The following TSPAN7 variants were observed in gnomAD, a reference collection of about 807,000 sequenced individuals.
TSPAN7 encodes the protein tetraspanin-7.
A neutral mutation model predicts 17.6 loss-of-function variants in TSPAN7; 1 was observed. That is an observed-to-expected ratio of 0.06 (90% CI 0.02 to 0.27). The LOEUF (loss-of-function observed/expected upper bound fraction) is 0.27. TSPAN7 is among the 10% of genes least tolerant of loss of function. The pLI is 1.00. For synonymous variants in TSPAN7, 78 were observed against 79.0 expected, an observed-to-expected ratio of 0.99 and a Z score of 0.07; for missense variants, 112 against 201.7, an observed-to-expected ratio of 0.56 and a Z score of 2.69.
intron 3 of TSPAN7, among the ~76,000 whole-genome samples, chrX:38,673,290 C>G (rs2069833178): frequency 9.0e-6 from 1 of 110,923 alleles, no homozygotes; most frequent in South Asian, 3.9e-4. Context: ...ATTCCACCTT[C>G]ATCAGGTTTC....
At chrX:38,659,075 A>G (rs1448194398) in intron 1 of TSPAN7, among the ~76,000 whole-genome samples, 1 of 111,274 alleles carries the variant, frequency 9.0e-6, no homozygotes, top group East Asian at 2.8e-4. Flanking sequence ...TACACGAGAC[A>G]AAAATGGAGT....
chrX:38,608,242 C>G (rs2069396170), intron 1 of TSPAN7: 1 of 110,447 alleles, frequency 9.1e-6, no homozygotes, highest in Non-Finnish European at 1.9e-5. Flanking sequence ...TAGAATTTGT[C>G]TAGCAGGCTT....
intron 1 of TSPAN7, among the ~76,000 whole-genome samples, chrX:38,574,306 C>G (rs1469788599): frequency 8.9e-6 from 1 of 111,900 alleles, no homozygotes; most frequent in African/African-American, 3.2e-5. Context: ...TATCTTTTTA[C>G]AGATGTAGTT....
intron 1 of TSPAN7, among the ~76,000 whole-genome samples, chrX:38,589,205 T>C (rs1338285617): frequency 8.9e-6 from 1 of 112,085 alleles, no homozygotes; most frequent in Admixed American, 9.4e-5. Context: ...TTTCAAAACC[T>C]GGGGTGTGAG....
rs979384486 is a variant in TSPAN7, at chrX:38,686,462, C to G, written c.682-1137C>G. ...GGAAGACTTGTTAAAACACCAGTTA[C>G]TGGGCCCCACCCCCCAGCATATCTG... On this transcript the variant is annotated intron_variant, in intron 6 of 7. Coordinates refer to ENST00000378482, the MANE Select transcript of TSPAN7 (RefSeq NM_004615.4). Among the ~76,000 whole-genome samples, 3 of 111,715 alleles carry G rather than the reference C, an allele frequency of 2.7e-5. No individual in the cohort carries two copies. In the South Asian group the frequency reaches 1.1e-3, roughly 42 times the overall value.
In TSPAN7 at chrX:38,561,619, G is replaced by C; in HGVS notation, c.73G>C (p.Val25Leu). Reference protein sequence around the residue: ...LKTLLIIYSFVFWITGVILLA... With the variant: ...LKTLLIIYSFLFWITGVILLA... ...AACCCTCCTCATCATCTACTCCTTCGTCTTCTGGGTAAGTGCCCACGCCGG... is the reference window on the plus strand; with the variant it reads ...AACCCTCCTCATCATCTACTCCTTCCTCTTCTGGGTAAGTGCCCACGCCGG... Residue 25 changes from valine (V) to leucine (L), a missense_variant, in exon 1 of 8, where the codon GTC (valine) becomes CTC (leucine). Coordinates refer to ENST00000378482, the MANE Select transcript of TSPAN7 (RefSeq NM_004615.4). 8.3e-7 allele frequency: 1 copy of C among 1,204,955 alleles called. No homozygotes were observed. The highest frequency in any genetic ancestry group is 1.1e-6 in the Non-Finnish European group (1 of 891,135).
chrX:38,587,503 A>G (rs888022779), intron 1 of TSPAN7, among the ~76,000 whole-genome samples: 1 of 111,956 alleles, frequency 8.9e-6, no homozygotes, highest in Non-Finnish European at 1.9e-5. Context: ...AGTTTCCAAT[A>G]TGCATTCATT....
intron 1 of TSPAN7, among the ~76,000 whole-genome samples, chrX:38,603,326 G>C (rs1216241480): frequency 8.9e-6 from 1 of 112,018 alleles, no homozygotes; most frequent in Non-Finnish European, 1.9e-5. Flanking sequence ...AAATGCTGCA[G>C]ACACTTTGGG....
At chrX:38,675,974 TCTTA>T (rs1431634438) in intron 5 of TSPAN7, 114 bp downstream of exon 5, 1 of 963,554 alleles carries the variant, frequency 1.0e-6, no homozygotes, top group Non-Finnish European at 1.4e-6. Context: ...GGAAAGAGAA[TCTTA>T]CTTTGTGGTT....
intron 1 of TSPAN7, among the ~76,000 whole-genome samples, chrX:38,597,246 A>G (rs1420031604): frequency 9.0e-6 from 1 of 111,564 alleles, no homozygotes; most frequent in African/African-American, 3.3e-5. Flanking sequence ...CCTGACATGC[A>G]CATTCCCTGT....
At chrX:38,624,737 T>C (rs191686919) in intron 1 of TSPAN7, among the ~76,000 whole-genome samples, 2 of 112,776 alleles carry the variant, frequency 1.8e-5, no homozygotes, top group African/African-American at 6.4e-5. Flanking sequence ...CAATATTGAA[T>C]ATTCCTTCCT....
chrX:38,605,771 T>A, intron 1 of TSPAN7, among the ~76,000 whole-genome samples: 1 of 110,626 alleles, frequency 9.0e-6, no homozygotes, highest in Non-Finnish European at 1.9e-5. Context: ...TCTACAACTA[T>A]CTGATCTTTG....
At chrX:38,591,891 A>G (rs2069294383) in intron 1 of TSPAN7, among the ~76,000 whole-genome samples, 1 of 112,234 alleles carries the variant, frequency 8.9e-6, no homozygotes, top group Non-Finnish European at 1.9e-5. Context: ...GCACTGCTAT[A>G]AAGAACTACC....
At chrX:38,668,456 G>T (rs189102911) in intron 2 of TSPAN7, among the ~76,000 whole-genome samples, 77 of 112,196 alleles carry the variant, frequency 6.9e-4, no homozygotes, top group African/African-American at 2.3e-3. Flanking sequence ...AGCATTTTGG[G>T]AAGTAGAGAA....
At chrX:38,687,276 C>A (rs963644668) in intron 6 of TSPAN7, among the ~76,000 whole-genome samples, 2 of 111,258 alleles carry the variant, frequency 1.8e-5, no homozygotes, top group African/African-American at 6.5e-5. Context: ...TTTTAATACT[C>A]CTTAAGTGTC....
At chrX:38,600,904 C>A (rs781443283) in intron 1 of TSPAN7, among the ~76,000 whole-genome samples, 4 of 111,759 alleles carry the variant, frequency 3.6e-5, no homozygotes, top group Non-Finnish European at 7.5e-5. Context: ...GTGGTGTTTT[C>A]ATGAAATAGG....
intron 1 of TSPAN7, among the ~76,000 whole-genome samples, chrX:38,613,896 C>A (rs986858265): frequency 9.1e-6 from 1 of 110,231 alleles, no homozygotes; most frequent in African/African-American, 3.3e-5. Context: ...AGCCTCTGCA[C>A]GTTTGAGACC....
intron 1 of TSPAN7, among the ~76,000 whole-genome samples, chrX:38,643,672 CAAAAAAAAA>C (rs34238064): frequency 1.1e-4 from 6 of 56,060 alleles, no homozygotes; most frequent in Non-Finnish European, 1.9e-4. Flanking sequence ...CCGTCTCTAC[CAAAAAAAAA>C]AAAAAAAAAA....
At chrX:38,655,157 C>T in intron 1 of TSPAN7, among the ~76,000 whole-genome samples, 1 of 111,086 alleles carries the variant, frequency 9.0e-6, no homozygotes, top group East Asian at 2.8e-4. Context: ...TATTATTGGA[C>T]TTAGGTTTCA....
Sources: allele counts gnomAD v4.1 joint callset (sites outside exome capture counted in the v4.1 genomes callset), GRCh38; gene constraint gnomAD v4.1.1; transcripts MANE v1.5; gene names NCBI Gene and HGNC (gene_info 2026-07-23, HGNC 2026-07-21).